ASTN2: variants seen among roughly 807,000 people sequenced by gnomAD.
ASTN2 encodes astrotactin 2.
Under a neutral mutation model 139.8 loss-of-function variants are expected in ASTN2, and 54 were observed. The observed-to-expected ratio is 0.39, with a 90% confidence interval of 0.31 to 0.48. ASTN2 has a LOEUF of 0.48. ASTN2 is among the 20% of genes least tolerant of loss of function. The pLI, the probability that ASTN2 is intolerant of heterozygous loss-of-function variation, is 0.95. For missense variants in ASTN2, 1,565 were observed against 1,725.1 expected (o/e 0.91, Z 1.64); for synonymous variants, 756 against 719.5 (o/e 1.05, Z -0.81).
chr9:116,996,940 A>C (rs1466098773), intron 7 of ASTN2, among the ~76,000 whole-genome samples: 1 of 152,164 alleles, frequency 6.6e-6, no homozygotes, highest in Non-Finnish European at 1.5e-5. Flanking sequence ...TCTCTAATTT[A>C]AATGTCAGTA....
chr9:116,969,317 T>C (rs1453942771), intron 10 of ASTN2, among the ~76,000 whole-genome samples: 1 of 152,226 alleles, frequency 6.6e-6, no homozygotes, highest in African/African-American at 2.4e-5. Context: ...ATCCTCTTTG[T>C]GCCTCAGTTT....
intron 2 of ASTN2, among the ~76,000 whole-genome samples, chr9:117,226,702 GT>G (rs1325101905): frequency 6.6e-6 from 1 of 152,172 alleles, no homozygotes; most frequent in Non-Finnish European, 1.5e-5. Context: ...TTCAAGAGGG[GT>G]TTTGCCCTTC....
intron 1 of ASTN2, among the ~76,000 whole-genome samples, chr9:117,296,213 G>T (rs569235910): frequency 6.7e-6 from 1 of 149,856 alleles, no homozygotes; most frequent in South Asian, 2.1e-4. Context: ...GGGAGGTGGA[G>T]GTTGCAGTGA....
chr9:116,848,553 C>T (rs1020026019), intron 11 of ASTN2, among the ~76,000 whole-genome samples: 8 of 152,218 alleles, frequency 5.3e-5, no homozygotes, highest in Non-Finnish European at 1.0e-4. Flanking sequence ...GAAGGTCACA[C>T]GGCCAGTAAG....
At chr9:117,009,614 G>GATGGCAGATCTAGAGACTGCAGCAA (rs1837456763) in intron 6 of ASTN2, among the ~76,000 whole-genome samples, 1 of 152,148 alleles carries the variant, frequency 6.6e-6, no homozygotes, top group Non-Finnish European at 1.5e-5. Context: ...GACTGCAGCA[G>GATGGCAGATCTAGAGACTGCAGCAA]CAGGAGACTT....
chr9:116,455,166 T>C (rs1848292363), intron 20 of ASTN2, among the ~76,000 whole-genome samples: 1 of 151,838 alleles, frequency 6.6e-6, no homozygotes, highest in African/African-American at 2.4e-5. Context: ...CTGGCCAACA[T>C]GGTGAAACCC....
chr9:116,514,599 A>G (rs1850556324), intron 19 of ASTN2, among the ~76,000 whole-genome samples: 1 of 152,156 alleles, frequency 6.6e-6, no homozygotes, highest in African/African-American at 2.4e-5. Flanking sequence ...CCCTGCCCCC[A>G]GAGGTGGAGT....
chr9:116,438,606 C>T (rs1022132649), intron 22 of ASTN2, among the ~76,000 whole-genome samples: 4 of 152,184 alleles, frequency 2.6e-5, no homozygotes, highest in African/African-American at 7.2e-5. Flanking sequence ...GCAAAAGTGG[C>T]TAGATTAGCT....
chr9:117,219,615 C>T (rs1050773741), intron 2 of ASTN2, among the ~76,000 whole-genome samples: 1 of 152,120 alleles, frequency 6.6e-6, no homozygotes, highest in African/African-American at 2.4e-5. Flanking sequence ...TAACATCAGT[C>T]TATTAGTTAC....
chr9:116,879,903 A>G (rs1263918019), intron 10 of ASTN2, among the ~76,000 whole-genome samples: 1 of 152,194 alleles, frequency 6.6e-6, no homozygotes, highest in Non-Finnish European at 1.5e-5. Flanking sequence ...TATGGACCAC[A>G]ACTTAGAGTT....
chr9:116,604,080 C>A (rs943161160), intron 19 of ASTN2, among the ~76,000 whole-genome samples: 2 of 152,150 alleles, frequency 1.3e-5, no homozygotes, highest in Admixed American at 6.5e-5. Context: ...CCAGCAATTT[C>A]TTGCTAAATT....
chr9:117,396,412 G>A (rs1830678007), intron 1 of ASTN2, among the ~76,000 whole-genome samples: 1 of 152,160 alleles, frequency 6.6e-6, no homozygotes, highest in African/African-American at 2.4e-5. Flanking sequence ...CACCCGTTAA[G>A]TTGTATTTTA....
At chr9:117,114,081 A>G (rs1342817948) in intron 4 of ASTN2, among the ~76,000 whole-genome samples, 5 of 152,068 alleles carry the variant, frequency 3.3e-5, no homozygotes, top group Admixed American at 3.3e-4. Flanking sequence ...ATATGTTAGT[A>G]GTTTTTGGAG....
At chr9:116,989,312 AG>A (rs1490438943) in intron 7 of ASTN2, among the ~76,000 whole-genome samples, 1 of 152,188 alleles carries the variant, frequency 6.6e-6, no homozygotes, top group Non-Finnish European at 1.5e-5. Context: ...GGGGTCAGAG[AG>A]GAGAGGGACC....
At chr9:116,547,655 A>T (rs1449505482) in intron 19 of ASTN2, 1 of 152,172 alleles carries the variant, frequency 6.6e-6, no homozygotes, top group Non-Finnish European at 1.5e-5. Context: ...AGTTATACAG[A>T]AAGTTAAAGA....
chr9:117,342,654 A>G (rs1001120892), intron 1 of ASTN2, among the ~76,000 whole-genome samples: 1 of 152,218 alleles, frequency 6.6e-6, no homozygotes, highest in Non-Finnish European at 1.5e-5. Context: ...TTCACCTACA[A>G]AATGAGGGGA....
At chr9:117,156,552 A>C (rs1475516064) in intron 3 of ASTN2, among the ~76,000 whole-genome samples, 1 of 152,032 alleles carries the variant, frequency 6.6e-6, no homozygotes, top group Non-Finnish European at 1.5e-5. Context: ...ATACTGCCAG[A>C]TGTCCATTCA....
intron 5 of ASTN2, among the ~76,000 whole-genome samples, chr9:117,044,605 A>G (rs1439385562): frequency 6.6e-6 from 1 of 152,174 alleles, no homozygotes; most frequent in Non-Finnish European, 1.5e-5. Context: ...CACCCTCCCA[A>G]AGCAGGCTTC....
intron 4 of ASTN2, among the ~76,000 whole-genome samples, chr9:117,127,658 T>G (rs1051905272): frequency 6.7e-6 from 1 of 149,244 alleles, no homozygotes; most frequent in African/African-American, 2.5e-5. Context: ...AGTTAGGGTT[T>G]TTTTTTTGTT....
Sources: gnomAD v4.1 joint callset for allele counts (sites outside exome capture counted in the v4.1 genomes callset) on GRCh38, gnomAD v4.1.1 for gene constraint, MANE v1.5 for transcripts, NCBI Gene and HGNC (gene_info 2026-07-23, HGNC 2026-07-21) for gene names.